CDH12: variants seen among roughly 807,000 people sequenced by gnomAD.
The protein encoded by CDH12 is cadherin-12.
Under a neutral mutation model 74.1 loss-of-function variants are expected in CDH12, and 41 were observed. The ratio of observed to expected loss-of-function variants is 0.55; its 90% CI spans 0.43 to 0.72. The LOEUF is 0.72. CDH12 is among the 30% of genes least tolerant of loss of function. The pLI, the probability that CDH12 is intolerant of heterozygous loss-of-function variation, is 0.00. For missense variants in CDH12, 945 were observed against 977.2 expected, an observed-to-expected ratio of 0.97 and a Z score of 0.44; for synonymous variants, 399 against 355.0, an observed-to-expected ratio of 1.12 and a Z score of -1.39.
chr5:21,860,133 G>A (rs1343532981), intron 6 of CDH12, among the ~76,000 whole-genome samples: 3 of 151,980 alleles, frequency 2.0e-5, no homozygotes, highest in Admixed American at 6.6e-5. Context: ...GCAGAAATGA[G>A]TACTGTAATT....
At chr5:22,220,652 G>C in intron 3 of CDH12, among the ~76,000 whole-genome samples, 1 of 150,942 alleles carries the variant, frequency 6.6e-6, no homozygotes, top group East Asian at 1.9e-4. Context: ...TTTCTGCTTT[G>C]TATATATGTT....
At chr5:21,810,953 A>G in intron 9 of CDH12, among the ~76,000 whole-genome samples, 1 of 151,908 alleles carries the variant, frequency 6.6e-6, no homozygotes, top group East Asian at 1.9e-4. Flanking sequence ...GAAAAAAGAA[A>G]AAGAGTTTTA....
At chr5:22,141,787 T>C (rs1445344065) in intron 4 of CDH12, among the ~76,000 whole-genome samples, 1 of 152,088 alleles carries the variant, frequency 6.6e-6, no homozygotes, top group African/African-American at 2.4e-5. Context: ...AGTTAAAAAA[T>C]ATAAGAGGAA....
chr5:21,883,700 T>C (rs1427945479), intron 6 of CDH12: 1 of 1,610,892 alleles, frequency 6.2e-7, no homozygotes, highest in Non-Finnish European at 8.5e-7. Context: ...TTGAAAAACG[T>C]ATTCAAGAAA....
intron 6 of CDH12, among the ~76,000 whole-genome samples, chr5:21,875,820 T>C (rs1321041165): frequency 1.3e-5 from 2 of 152,134 alleles, no homozygotes; most frequent in Non-Finnish European, 2.9e-5. Flanking sequence ...AGCTTATCAT[T>C]ACTGCTTCTA....
intron 2 of CDH12, among the ~76,000 whole-genome samples, chr5:22,479,605 C>A (rs1205813968): frequency 6.6e-6 from 1 of 152,108 alleles, no homozygotes; most frequent in Non-Finnish European, 1.5e-5. Flanking sequence ...CTGGTGTTAC[C>A]TAAAAGTTTA....
At chr5:22,501,505 T>C (rs1736143640) in intron 2 of CDH12, among the ~76,000 whole-genome samples, 1 of 152,178 alleles carries the variant, frequency 6.6e-6, no homozygotes, top group Non-Finnish European at 1.5e-5. Context: ...TATTTTTCCT[T>C]TCTTTTCTCT....
At chr5:22,006,178 CTTCTT>C (rs929381499) in intron 5 of CDH12, among the ~76,000 whole-genome samples, 11 of 151,926 alleles carry the variant, frequency 7.2e-5, no homozygotes, top group African/African-American at 1.5e-4. Flanking sequence ...GGCCACCTCT[CTTCTT>C]TTAATTTTTT....
intron 6 of CDH12, among the ~76,000 whole-genome samples, chr5:21,952,577 T>C (rs1755912593): frequency 6.6e-6 from 1 of 152,204 alleles, no homozygotes; most frequent in Non-Finnish European, 1.5e-5. Context: ...TGACCTCTTT[T>C]GGAATGGTGT....
chr5:22,341,821 A>G (rs960469719), intron 3 of CDH12, among the ~76,000 whole-genome samples: 2 of 152,210 alleles, frequency 1.3e-5, no homozygotes, highest in African/African-American at 2.4e-5. Context: ...TCTTGATGCA[A>G]TCTTGGTGCT....
At chr5:22,633,555 T>C (rs1317769660) in intron 1 of CDH12, among the ~76,000 whole-genome samples, 1 of 152,168 alleles carries the variant, frequency 6.6e-6, no homozygotes, top group Non-Finnish European at 1.5e-5. Context: ...GTAAAGTAGA[T>C]GGACCTCTCC....
intron 5 of CDH12, among the ~76,000 whole-genome samples, chr5:21,997,135 G>A (rs542272658): frequency 2.2e-3 from 329 of 152,112 alleles, no homozygotes; most frequent in Non-Finnish European, 3.6e-3. Context: ...TAAACCTTGG[G>A]ATATTAAAGT....
chr5:22,760,969 C>G (rs996930214), intron 1 of CDH12, among the ~76,000 whole-genome samples: 3 of 152,104 alleles, frequency 2.0e-5, no homozygotes, highest in Non-Finnish European at 4.4e-5. Context: ...TTTTAAAATA[C>G]TCTCCATCAC....
chr5:22,251,730 A>G (rs1462357657), intron 3 of CDH12, among the ~76,000 whole-genome samples: 1 of 152,286 alleles, frequency 6.6e-6, no homozygotes, highest in African/African-American at 2.4e-5. Context: ...CTGAACACAG[A>G]AAAAGAAAGT....
chr5:22,380,955 A>G (rs1741734151), intron 3 of CDH12, among the ~76,000 whole-genome samples: 5 of 152,150 alleles, frequency 3.3e-5, no homozygotes, highest in Admixed American at 3.3e-4. Context: ...CACCATGTAG[A>G]TGAGATTCAA....
intron 3 of CDH12, among the ~76,000 whole-genome samples, chr5:22,322,742 T>G (rs1245751023): frequency 6.6e-6 from 1 of 152,214 alleles, no homozygotes; most frequent in African/African-American, 2.4e-5. Context: ...TTTTTATTGA[T>G]GAAGAATTTA....
intron 2 of CDH12, among the ~76,000 whole-genome samples, chr5:22,468,028 G>A (rs962529415): frequency 6.6e-6 from 1 of 152,132 alleles, no homozygotes; most frequent in Non-Finnish European, 1.5e-5. Flanking sequence ...TTAGTCTTCT[G>A]GATACTTGCA....
chr5:22,838,222 GTTGTTCA>G (rs756616926), intron 1 of CDH12, among the ~76,000 whole-genome samples: 1 of 152,134 alleles, frequency 6.6e-6, no homozygotes, highest in Non-Finnish European at 1.5e-5. Context: ...CGTAGAAGTA[GTTGTTCA>G]AAGGGGGCAA....
At chr5:21,876,480 G>C (rs1259097198) in intron 6 of CDH12, among the ~76,000 whole-genome samples, 4 of 152,134 alleles carry the variant, frequency 2.6e-5, no homozygotes, top group Admixed American at 2.6e-4. Context: ...AACTAGACCA[G>C]GATAAATCTG....
Sources: allele counts gnomAD v4.1 joint callset (sites outside exome capture counted in the v4.1 genomes callset), GRCh38; gene constraint gnomAD v4.1.1; transcripts MANE v1.5; gene names NCBI Gene and HGNC (gene_info 2026-07-23, HGNC 2026-07-21).